The following IQSEC3 variants were observed in gnomAD, a reference collection of about 807,000 sequenced individuals.
IQSEC3 encodes the protein IQ motif and Sec7 domain ArfGEF 3, also known as IQ motif and SEC7 domain-containing protein 3.
In IQSEC3, 50 loss-of-function variants were observed where a neutral mutation model predicts 105.4. That is an observed-to-expected ratio of 0.47 (90% confidence interval 0.38 to 0.60). The LOEUF (loss-of-function observed/expected upper bound fraction) is 0.60. Ranked by LOEUF, IQSEC3 falls within the 20% of genes least tolerant of loss-of-function variation. The pLI, the probability that IQSEC3 is intolerant of heterozygous loss-of-function variation, is 0.00. For missense variants in IQSEC3, 1,415 were observed against 1,630.0 expected (o/e 0.87, Z 2.27); for synonymous variants, 708 against 746.0 (o/e 0.95, Z 0.83).
rs139329095 is a variant in IQSEC3, at chr12:123,951, G to A, written c.624-1682G>A. On this transcript the variant is annotated intron_variant, in intron 2 of 13. Coordinates refer to ENST00000538872, the MANE Select transcript of IQSEC3 (RefSeq NM_001170738.2). ...CACTGTCCACTGTAGAGCCATCCCC[G>A]TGGCCCCTGGGTTCTCCTCAGTTCA... Among the ~76,000 whole-genome samples the A allele has an allele frequency of 5.4e-3, 826 of 152,172 alleles. 4 individuals are homozygous for A. The highest frequency in any genetic ancestry group is 6.8e-3 in the Middle Eastern group (2 of 294).
At chr12:96,395 TG>T in intron 1 of IQSEC3, among the ~76,000 whole-genome samples, 1 of 152,260 alleles carries the variant, frequency 6.6e-6, no homozygotes, top group Non-Finnish European at 1.5e-5. Context: ...CTTAAAAAGG[TG>T]CGAGACTCTT....
intron 13 of IQSEC3, among the ~76,000 whole-genome samples, chr12:173,716 C>G (rs76683891): frequency 0.056 from 8,546 of 152,244 alleles, 312 homozygotes; most frequent in Middle Eastern, 0.1. Flanking sequence ...GGGGAGCTTG[C>G]GGGTGGAACG....
rs566913078 is a variant in IQSEC3, at chr12:137,240, C to T, written c.904-1027C>T. ...AGATGGTCCAACCCCAATCCCGACC[C>T]TTCTGATGTTCCCAGGGAAAGGAGC... On this transcript the variant is annotated intron_variant, in intron 3 of 13. Coordinates refer to ENST00000538872, the MANE Select transcript of IQSEC3 (RefSeq NM_001170738.2). 1.8e-4 allele frequency among the ~76,000 whole-genome samples: 27 copies of T among 152,306 alleles called. 1 individual carries two copies. The highest frequency in any genetic ancestry group is 1.2e-3 in the South Asian group (6 of 4,824).
Position 66,930 on chromosome 12 carries a change from G to C in IQSEC3, c.48G>C (p.Lys16Asn). The C allele has an allele frequency of 6.6e-7, 1 of 1,519,424 alleles. No individual in the cohort carries two copies. The highest frequency in any genetic ancestry group is 8.8e-7 in the Non-Finnish European group (1 of 1,139,796). The allele number at this position is 1,519,424 out of a possible 1,614,324, so 94.1% of individuals were successfully genotyped here. Residue 16 changes from lysine (K) to asparagine (N), a missense_variant, in exon 1 of 14, where the codon AAG becomes AAC. Coordinates refer to ENST00000538872, the MANE Select transcript of IQSEC3 (RefSeq NM_001170738.2). ...CGGTGCGCGCCGTGCTCTACCTCAA[G>C]GAGCTCACGGCCATCGTGCAGAACC... The part of the protein sequence containing the change: ...ENPVRAVLYL[K>N]ELTAIVQNQQ...
intron 1 of IQSEC3, among the ~76,000 whole-genome samples, chr12:82,482 T>C (rs1863778400): frequency 6.6e-6 from 1 of 152,164 alleles, no homozygotes; most frequent in Admixed American, 6.5e-5. Flanking sequence ...GGATTGTTCT[T>C]TAAGATGGGA....
chr12:161,848 T>C, intron 7 of IQSEC3, 78 bp from the exon 8 acceptor site: 1 of 1,432,318 alleles, frequency 7.0e-7, no homozygotes, highest in Admixed American at 2.3e-5. Flanking sequence ...TGGATGGGGG[T>C]CTCTTCTGTC....
intron 5 of IQSEC3, chr12:149,177 C>G (rs978049824): frequency 1.6e-4 from 24 of 152,336 alleles, no homozygotes; most frequent in African/African-American, 4.8e-4. Flanking sequence ...GAGGGGGAGG[C>G]CTTAGCAAAA....
At chr12:74,544 C>A (rs1863444626) in intron 1 of IQSEC3, among the ~76,000 whole-genome samples, 1 of 152,280 alleles carries the variant, frequency 6.6e-6, no homozygotes, top group Non-Finnish European at 1.5e-5. Context: ...GGTTATGTAA[C>A]TCTTCAAGAC....
rs7313003 is a variant in IQSEC3 at position 138,734 on chromosome 12, G to A, written c.1371G>A (p.Glu457=). 0.24 allele frequency: 357,916 copies of A among 1,505,522 alleles called. 44,404 individuals are homozygous for A. The highest frequency in any genetic ancestry group is 0.35 in the South Asian group (27,974 of 79,438). 93.3% of individuals were successfully genotyped at this position (1,505,522 alleles called of 1,614,324 possible). The change falls in exon 4 of 14, where the codon GAG becomes GAA. Residue 457 remains glutamate (E), a synonymous_variant. Transcript: ENST00000538872. The surrounding 1 kb of genome is among the most constrained non-coding windows in gnomAD (Gnocchi z 7.1). ...TGGAGGCCGAGGGGCGGGCGCCGGA[G>A]AGCGCGGGCCCCGGGCCCGGGGATG... is the stretch of plus-strand genomic sequence containing the variant. ...PGLEAEGRAP[E]SAGPGPGDDA...
chr12:169,794 G>A (rs1457007717), intron 12 of IQSEC3, among the ~76,000 whole-genome samples: 1 of 152,222 alleles, frequency 6.6e-6, no homozygotes, highest in Admixed American at 6.5e-5. Flanking sequence ...CATGAGGGGA[G>A]ATGCATGAGA....
chr12:100,684 G>A (rs1319786349), intron 2 of IQSEC3, among the ~76,000 whole-genome samples: 8 of 152,134 alleles, frequency 5.3e-5, no homozygotes, highest in African/African-American at 1.7e-4. Flanking sequence ...ACAAGTTTTG[G>A]GCCAGGCCTG....
In IQSEC3 at chr12:89,218, G is replaced by A. The variant is rs553149171; in HGVS notation, c.555-9928G>A. On this transcript the variant is annotated intron_variant, in intron 1 of 13. Transcript: ENST00000538872. ...CATTGTCCCAGTTTCTGGCCCCCTG[G>A]ACTCCTTTGGCTCAGTGATGAACCA... Among the ~76,000 whole-genome samples the A allele has an allele frequency of 2.6e-5, 4 of 152,170 alleles. No homozygotes were observed. The East Asian group carries it at 7.7e-4, about 29-fold the overall frequency.
chr12:107,591 T>C (rs1171047942), intron 2 of IQSEC3, among the ~76,000 whole-genome samples: 4 of 151,706 alleles, frequency 2.6e-5, no homozygotes, highest in Non-Finnish European at 5.9e-5. Context: ...TTTGTATTTT[T>C]AGTAGAGACG....
chr12:115,542 G>A (rs369204255), intron 2 of IQSEC3, among the ~76,000 whole-genome samples: 4 of 152,288 alleles, frequency 2.6e-5, no homozygotes, highest in South Asian at 2.1e-4. Flanking sequence ...CTCATGAACC[G>A]GAAGCTGGGG....
rs1209093596 is a variant in IQSEC3, at chr12:126,002, TC to T, written c.903+94del. 8 of 1,285,644 alleles carry T rather than the reference TC, an allele frequency of 6.2e-6. No homozygotes were observed. The East Asian group carries it at 7.9e-5, about 13-fold the overall frequency. The allele number at this position is 1,285,644 out of a possible 1,614,324, so 79.6% of individuals were successfully genotyped here. A position where few individuals can be genotyped will look rare whatever the true frequency, so the allele number is the denominator to read the frequency against. On this transcript the variant is annotated intron_variant, in intron 3 of 13. Coordinates refer to ENST00000538872, the MANE Select transcript of IQSEC3 (RefSeq NM_001170738.2). Reference sequence around the variant, plus strand: ...GGGTACCAGGGATATCCCCGCTGGGTCCCCTCCGCTACAGGCACACCTCTTT... The same window carrying T: ...GGGTACCAGGGATATCCCCGCTGGGTCCCTCCGCTACAGGCACACCTCTTT...
intron 2 of IQSEC3, among the ~76,000 whole-genome samples, chr12:114,705 A>G (rs1555080292): frequency 6.6e-6 from 1 of 152,122 alleles, no homozygotes; most frequent in African/African-American, 2.4e-5. Context: ...GATCGGAAGC[A>G]TTTATTTTAT....
At position 139,188 on chromosome 12, in the gene IQSEC3, T is replaced by G. The variant is rs1555088240; in HGVS notation, c.1825T>G (p.Ser609Ala). The G allele has an allele frequency of 1.3e-6, 2 of 1,589,672 alleles. No individual in the cohort carries two copies. Residue 609 changes from serine to alanine, a missense_variant, in exon 4 of 14, where the codon TCA becomes GCA. Ser to Ala is a moderately conservative substitution (Grantham distance 99). Around this residue, in one of 6 missense-constraint regions of IQSEC3, gnomAD observed 720 missense variants for 633.0 expected, o/e 1.14. Transcript: ENST00000538872. ...CAGCACGTCCACCAAGTCCGCCAAG[T>G]CAGGCTCGGAGGCGTCGGCCTCCGC... ...SSSTSTKSAK[S>A]GSEASASASK... is the part of the protein sequence containing the mutation.
chr12:79,494 A>T (rs1327560122), intron 1 of IQSEC3, among the ~76,000 whole-genome samples: 5 of 152,194 alleles, frequency 3.3e-5, no homozygotes, highest in African/African-American at 1.2e-4. Context: ...ACAGTGGCAC[A>T]ATCATTGCTC....
At chr12:110,442 C>T (rs978169396) in intron 2 of IQSEC3, among the ~76,000 whole-genome samples, 1 of 151,548 alleles carries the variant, frequency 6.6e-6, no homozygotes, top group Admixed American at 6.6e-5. Context: ...CGAATGCTTT[C>T]AAGACATTTT....
Sources: gnomAD v4.1 joint callset for allele counts (sites outside exome capture counted in the v4.1 genomes callset) on GRCh38, gnomAD v4.1.1 for gene constraint, gnomAD v4.1.1 regional missense constraint, Gnocchi (gnomAD v3.1) non-coding constraint, MANE v1.5 for transcripts, NCBI Gene and HGNC (gene_info 2026-07-23, HGNC 2026-07-21) for gene names.